ETFA: variants seen among roughly 807,000 people sequenced by gnomAD.
The protein encoded by ETFA is electron transfer flavoprotein subunit alpha, also known as electron transfer flavoprotein subunit alpha, mitochondrial.
Under a neutral mutation model 46.2 loss-of-function variants are expected in ETFA, and 22 were observed. That is an observed-to-expected ratio of 0.48 (90% CI 0.34 to 0.68). ETFA has a LOEUF of 0.68. Among genes scored for constraint, ETFA ranks in the 30% least tolerant of loss-of-function variants. The pLI is 0.01. For missense variants in ETFA, 345 were observed against 401.1 expected (o/e 0.86, Z 1.19); for synonymous variants, 131 against 139.9 (o/e 0.94, Z 0.45).
chr15:76,311,228 A>G, intron 1 of ETFA, 122 bp downstream of exon 1: 1 of 1,182,462 alleles, frequency 8.5e-7, no homozygotes, highest in Non-Finnish European at 1.2e-6. Context: ...CCAGGCGGGG[A>G]CCGGCCTGCG....
At chr15:76,265,317 C>G (rs1478692019) in intron 9 of ETFA, among the ~76,000 whole-genome samples, 1 of 152,162 alleles carries the variant, frequency 6.6e-6, no homozygotes, top group Non-Finnish European at 1.5e-5. Flanking sequence ...CGTGGTCTGC[C>G]TCCCCAAGAG....
chr15:76,256,764 A>C (rs2039348958), intron 9 of ETFA, among the ~76,000 whole-genome samples: 1 of 152,240 alleles, frequency 6.6e-6, no homozygotes, highest in African/African-American at 2.4e-5. Flanking sequence ...AATCTGAAAA[A>C]TTCCTATCAC....
chr15:76,287,816 G>T, intron 5 of ETFA, 30 bp downstream of exon 5: 1 of 1,387,990 alleles, frequency 7.2e-7, no homozygotes, highest in Non-Finnish European at 1.0e-6. Context: ...AATTTAACAT[G>T]TTGATTAATT....
chr15:76,258,879 G>A, intron 9 of ETFA: 1 of 743,224 alleles, frequency 1.3e-6, no homozygotes, highest in Non-Finnish European at 2.3e-6. Context: ...GACTACCACA[G>A]GAGCCTCCAC....
chr15:76,241,744 G>T (rs535068771), intron 9 of ETFA, among the ~76,000 whole-genome samples: 1 of 135,488 alleles, frequency 7.4e-6, no homozygotes, highest in Non-Finnish European at 1.6e-5. Flanking sequence ...AGAGCTGGCA[G>T]TGAGCCAAGA....
chr15:76,278,378 A>G (rs867544893), intron 8 of ETFA, among the ~76,000 whole-genome samples: 1 of 152,258 alleles, frequency 6.6e-6, no homozygotes. Flanking sequence ...CCCACCTTAA[A>G]TTCTATGATC....
chr15:76,267,300 A>T (rs1272534155), intron 9 of ETFA, among the ~76,000 whole-genome samples: 72 of 152,362 alleles, frequency 4.7e-4, no homozygotes, highest in Admixed American at 4.6e-3. Flanking sequence ...TTGCTGTGCT[A>T]GTAGGACAAG....
intron 3 of ETFA, 41 bp from the exon 4 acceptor site, chr15:76,292,554 A>G: frequency 6.3e-7 from 1 of 1,590,888 alleles, no homozygotes; most frequent in Non-Finnish European, 8.6e-7. Flanking sequence ...ATTTTGAAAT[A>G]CTTTCATATT....
intron 8 of ETFA, among the ~76,000 whole-genome samples, chr15:76,278,911 G>A (rs958594265): frequency 2.3e-4 from 34 of 151,060 alleles, no homozygotes; most frequent in Non-Finnish European, 3.3e-4. Context: ...AGGGAGTGAC[G>A]TCCTTGAGTG....
intron 9 of ETFA, chr15:76,259,885 G>GGGGCAAGC: frequency 7.8e-7 from 1 of 1,287,582 alleles, no homozygotes; most frequent in Non-Finnish European, 1.1e-6. Context: ...CATGCTTCAT[G>GGGGCAAGC]AAGGGCAAGA....
At chr15:76,287,725 C>A (rs535075886) in intron 5 of ETFA, 121 bp downstream of exon 5, 1 of 767,070 alleles carries the variant, frequency 1.3e-6, no homozygotes, top group African/African-American at 1.7e-5. Flanking sequence ...TCCTCAGAAA[C>A]CTTTAAGATG....
At chr15:76,292,214 TAG>T (rs1170164409) in intron 4 of ETFA, among the ~76,000 whole-genome samples, 1 of 152,226 alleles carries the variant, frequency 6.6e-6, no homozygotes, top group Non-Finnish European at 1.5e-5. Flanking sequence ...ATAGCCTAAT[TAG>T]AGTTTTCTCC....
In ETFA at chr15:76,292,516, G is replaced by A. The variant is rs2039776125; in HGVS notation, c.269-3C>T. 2 of 1,610,742 alleles carry A rather than the reference G, an allele frequency of 1.2e-6. No individual in the cohort carries two copies. The highest frequency in any genetic ancestry group is 1.7e-4 in the Middle Eastern group (1 of 6,056). On this transcript the variant is annotated splice_polypyrimidine_tract_variant and splice_region_variant and intron_variant, in intron 3 of 11. Transcript: ENST00000557943. ...CAAAATCAATGGTGTCAGTTCCTCTGAGAATTAAACACATTTGATAAAAAA... is the reference window on the plus strand; with the variant it reads ...CAAAATCAATGGTGTCAGTTCCTCTAAGAATTAAACACATTTGATAAAAAA...
intron 10 of ETFA, among the ~76,000 whole-genome samples, chr15:76,229,346 C>G (rs567371061): frequency 6.6e-6 from 1 of 152,216 alleles, no homozygotes; most frequent in African/African-American, 2.4e-5. Flanking sequence ...TAATAAACAT[C>G]TGTTGACTAG....
At chr15:76,220,191 C>T (rs924441903) in intron 11 of ETFA, among the ~76,000 whole-genome samples, 12 of 152,172 alleles carry the variant, frequency 7.9e-5, no homozygotes, top group South Asian at 4.1e-4. Context: ...CTCAGCCTCC[C>T]GAGTAGCTGG....
intron 8 of ETFA, among the ~76,000 whole-genome samples, chr15:76,280,563 T>C (rs1314059150): frequency 6.6e-6 from 1 of 152,168 alleles, no homozygotes; most frequent in African/African-American, 2.4e-5. Flanking sequence ...CTACAGCTTA[T>C]TCACAAAACT....
chr15:76,272,913 C>T (rs148158863), intron 9 of ETFA, among the ~76,000 whole-genome samples: 197 of 151,632 alleles, frequency 1.3e-3, no homozygotes, highest in African/African-American at 4.7e-3. Flanking sequence ...CAGCCTAATT[C>T]GGTATGACAA....
intron 9 of ETFA, among the ~76,000 whole-genome samples, chr15:76,272,168 T>C (rs1160722977): frequency 6.6e-6 from 1 of 151,978 alleles, no homozygotes; most frequent in African/African-American, 2.4e-5. Context: ...GCACTCTCTG[T>C]CAGTCAAAAT....
At chr15:76,235,178 T>A (rs1303026534) in intron 9 of ETFA, among the ~76,000 whole-genome samples, 1 of 152,182 alleles carries the variant, frequency 6.6e-6, no homozygotes, top group African/African-American at 2.4e-5. Flanking sequence ...TTGAGGCTCG[T>A]CCTTAGCATA....
Sources: allele counts gnomAD v4.1 joint callset (sites outside exome capture counted in the v4.1 genomes callset), GRCh38; gene constraint gnomAD v4.1.1; transcripts MANE v1.5; gene names NCBI Gene and HGNC (gene_info 2026-07-23, HGNC 2026-07-21).